C10orf88: variants seen among roughly 807,000 people sequenced by gnomAD.
C10orf88 encodes the protein chromosome 10 open reading frame 88, also known as ATPase PAAT.
A neutral mutation model predicts 34.2 loss-of-function variants in C10orf88; 29 were observed. The observed-to-expected ratio is 0.85, with a 90% CI of 0.63 to 1.16. The LOEUF is 1.16. Among genes scored for constraint, C10orf88 ranks in the 50% most tolerant of loss-of-function variants. The probability of loss-of-function intolerance (pLI) is 0.00; values close to 1 mark genes in which losing one functional copy is unlikely to be tolerated. For missense variants in C10orf88, 507 were observed against 533.2 expected (o/e 0.95, Z 0.48); for synonymous variants, 194 against 197.4 (o/e 0.98, Z 0.15).
chr10:122,952,690 T>G, intron 2 of C10orf88, 139 bp downstream of exon 2: 1 of 1,003,042 alleles, frequency 1.0e-6, no homozygotes, highest in Non-Finnish European at 1.5e-6. Context: ...GTTGTAAACT[T>G]CTATGCCTAC....
At position 122,941,315 on chromosome 10, in the gene C10orf88, AAT is replaced by A. The variant is rs1432316122; in HGVS notation, c.649-3158_649-3157del. 2.0e-5 allele frequency among the ~76,000 whole-genome samples: 3 copies of A among 152,180 alleles called. No homozygotes were observed. In the South Asian group the frequency reaches 6.2e-4, roughly 31 times the overall value. The stretch of plus-strand genomic sequence containing the variant: ...GCAAACTGAACTTCAAATAGAAGGA[AAT>A]AAAAAATAATCTTAATACTTATTGA... On this transcript the variant is annotated intron_variant, in intron 4 of 5. Coordinates refer to ENST00000481909, the MANE Select transcript of C10orf88 (RefSeq NM_024942.4).
At chr10:122,949,262 A>T (rs1446931032) in intron 3 of C10orf88, among the ~76,000 whole-genome samples, 1 of 152,176 alleles carries the variant, frequency 6.6e-6, no homozygotes, top group Non-Finnish European at 1.5e-5. Context: ...CCTATGATAA[A>T]GTTTAATTTA....
rs767560475 is a variant in C10orf88 at position 122,954,171 on chromosome 10, G to T, written c.8C>A (p.Thr3Lys). The part of the protein sequence containing the change: ME[T>K]RTEDGGLTRR... ...GGTGAGGCCCCCGTCCTCGGTCCGC[G>T]TCTCCATTCCGCCGCCTTCAGTCAG... Residue 3 changes from threonine to lysine, a missense_variant, in exon 1 of 6, where the codon ACG becomes AAG. Physicochemically the swap from Thr to Lys is moderately conservative, Grantham distance 78. Coordinates refer to ENST00000481909, the MANE Select transcript of C10orf88 (RefSeq NM_024942.4). 2 of 1,568,218 alleles carry T rather than the reference G, an allele frequency of 1.3e-6. No homozygotes were observed. The highest frequency in any genetic ancestry group is 8.6e-7 in the Non-Finnish European group (1 of 1,163,674).
intron 5 of C10orf88, among the ~76,000 whole-genome samples, chr10:122,937,347 A>C (rs1288626053): frequency 6.6e-6 from 1 of 152,046 alleles, no homozygotes; most frequent in African/African-American, 2.4e-5. Context: ...GACATGCTTA[A>C]CATACCCAGG....
rs550671790 is a variant in C10orf88, at chr10:122,934,213, T to A, written c.1104-1552A>T. ...AGGAAATTGATATTAATATGATGTG[T>A]GTGTATAGTTCTATGCCATTTTATC... On this transcript the variant is annotated intron_variant, in intron 5 of 5. Transcript: ENST00000481909. Among the ~76,000 whole-genome samples the A allele has an allele frequency of 2.6e-5, 4 of 152,328 alleles. No individual in the cohort carries two copies. In the South Asian group the frequency reaches 8.3e-4, roughly 32 times the overall value.
Position 122,952,786 on chromosome 10 carries a change from A to C in C10orf88, c.368+43T>G, listed in dbSNP as rs979715828. ...ATTGCAAAAAGTGAGAAAAATCAAA[A>C]CACTACTTCAGAAGAACACTTTCCC... On this transcript the variant is annotated intron_variant, in intron 2 of 5. Coordinates refer to ENST00000481909, the MANE Select transcript of C10orf88 (RefSeq NM_024942.4). 11 of 1,601,790 alleles carry C rather than the reference A, an allele frequency of 6.9e-6. No homozygotes were observed. The African/African-American group carries it at 8.1e-5, about 12-fold the overall frequency.
intron 5 of C10orf88, among the ~76,000 whole-genome samples, chr10:122,935,854 A>C (rs1848530083): frequency 1.3e-5 from 2 of 151,580 alleles, no homozygotes; most frequent in South Asian, 4.1e-4. Flanking sequence ...TAGGTTTATA[A>C]ATTTTTTCAT....
intron 4 of C10orf88, among the ~76,000 whole-genome samples, chr10:122,946,368 T>C (rs1327204614): frequency 6.6e-6 from 1 of 152,156 alleles, no homozygotes; most frequent in Non-Finnish European, 1.5e-5. Flanking sequence ...TATGTTTAGA[T>C]ACACAAATCC....
intron 3 of C10orf88, among the ~76,000 whole-genome samples, chr10:122,951,518 T>G (rs1848689268): frequency 6.6e-6 from 1 of 152,068 alleles, no homozygotes; most frequent in African/African-American, 2.4e-5. Flanking sequence ...ATGGTTAAAT[T>G]TTAAGAGAAA....
In C10orf88 at chr10:122,948,814, T is replaced by C. The variant is rs1446061576; in HGVS notation, c.483A>G (p.Lys161=). Residue 161 remains lysine, a synonymous_variant, in exon 4 of 6, where the codon AAA becomes AAG. Transcript: ENST00000481909. ...AAACTGATCTCATGTGTACCACAAC[T>C]TTACTGATGAACACACACTGCCTTT... The part of the protein sequence containing the change: ...FGERQCVFIS[K]VVVHMRSVFA... 2 of 1,613,402 alleles carry C rather than the reference T, an allele frequency of 1.2e-6. No homozygotes were observed. Among genetic ancestry groups the C allele is most frequent in the Non-Finnish European group, 1.7e-6 (2 of 1,179,864 alleles).
intron 5 of C10orf88, 40 bp from the exon 6 acceptor site, chr10:122,932,701 T>C: frequency 1.4e-6 from 2 of 1,388,022 alleles, no homozygotes; most frequent in Middle Eastern, 4.7e-4. Flanking sequence ...TTTTCCCTAA[T>C]AACAAAAACA....
intron 4 of C10orf88, among the ~76,000 whole-genome samples, chr10:122,945,926 G>A (rs577757918): frequency 3.9e-5 from 6 of 151,986 alleles, no homozygotes; most frequent in African/African-American, 7.2e-5. Flanking sequence ...GTGAAACACC[G>A]TATCTACTAA....
In C10orf88 at chr10:122,937,688, C is replaced by A; in HGVS notation, c.1103+17G>T. On this transcript the variant is annotated intron_variant, in intron 5 of 5. Coordinates refer to ENST00000481909, the MANE Select transcript of C10orf88 (RefSeq NM_024942.4). ...ACCTACCAAATCGAAACTCGTATGT[C>A]TTAAAATAATACTTACCCAACACCA... 1 of 1,563,910 alleles carries A rather than the reference C, an allele frequency of 6.4e-7. No homozygotes were observed. The highest frequency in any genetic ancestry group is 1.2e-5 in the South Asian group (1 of 84,736).
chr10:122,952,400 A>G (rs888355305), intron 2 of C10orf88, among the ~76,000 whole-genome samples: 1 of 152,242 alleles, frequency 6.6e-6, no homozygotes, highest in African/African-American at 2.4e-5. Flanking sequence ...AGGTTAATAA[A>G]TAGGTTTATG....
intron 3 of C10orf88, among the ~76,000 whole-genome samples, chr10:122,951,168 T>C (rs189069864): frequency 6.6e-6 from 1 of 152,360 alleles, no homozygotes; most frequent in African/African-American, 2.4e-5. Context: ...TTTTTCATGC[T>C]GAAGACAACA....
At chr10:122,951,860 T>G in intron 3 of C10orf88, 94 bp downstream of exon 3, 1 of 775,492 alleles carries the variant, frequency 1.3e-6, no homozygotes. Flanking sequence ...GCAAGCAAGT[T>G]GGACTAATTG....
At chr10:122,939,469 G>C (rs755134031) in intron 4 of C10orf88, among the ~76,000 whole-genome samples, 1 of 151,762 alleles carries the variant, frequency 6.6e-6, no homozygotes, top group Non-Finnish European at 1.5e-5. Flanking sequence ...GGGAAGCTGG[G>C]GGAAGATTTG....
chr10:122,948,409 CTTG>C (rs1020758141), intron 4 of C10orf88, among the ~76,000 whole-genome samples: 1 of 152,086 alleles, frequency 6.6e-6, no homozygotes, highest in Non-Finnish European at 1.5e-5. Flanking sequence ...AAACCAGTGC[CTTG>C]TTTACTGCAA....
chr10:122,950,432 C>T (rs530191360), intron 3 of C10orf88, among the ~76,000 whole-genome samples: 2 of 152,278 alleles, frequency 1.3e-5, no homozygotes, highest in African/African-American at 4.8e-5. Context: ...AAAACATTCA[C>T]CTTCAGAGAG....
Sources: allele counts gnomAD v4.1 joint callset (sites outside exome capture counted in the v4.1 genomes callset), GRCh38; gene constraint gnomAD v4.1.1; transcripts MANE v1.5; gene names NCBI Gene and HGNC (gene_info 2026-07-23, HGNC 2026-07-21).